KRT80: variants seen among roughly 807,000 people sequenced by gnomAD.
KRT80 encodes keratin, type II cytoskeletal 80.
Under a neutral mutation model 51.5 loss-of-function variants are expected in KRT80, and 36 were observed. The observed-to-expected ratio is 0.70, with a 90% CI of 0.54 to 0.92. KRT80 has a LOEUF of 0.92. Among genes scored for constraint, KRT80 ranks in the 40% least tolerant of loss-of-function variants. The pLI, the probability that KRT80 is intolerant of heterozygous loss-of-function variation, is 0.00. For synonymous variants in KRT80, 235 were observed against 248.3 expected (o/e 0.95, Z 0.50); for missense variants, 566 against 591.7 (o/e 0.96, Z 0.45).
chr12:52,182,037 C>T (rs1328803476), intron 2 of KRT80, among the ~76,000 whole-genome samples: 1 of 152,218 alleles, frequency 6.6e-6, no homozygotes, highest in African/African-American at 2.4e-5. Flanking sequence ...TCCCACCAGC[C>T]CACCTGAGGA....
rs184853065 is a variant in KRT80 at position 52,174,412 on chromosome 12, C to T, written c.667-648G>A. 4.5e-3 allele frequency among the ~76,000 whole-genome samples: 688 copies of T among 152,374 alleles called. 9 individuals are homozygous for T. Among genetic ancestry groups the T allele is most frequent in the African/African-American group, 0.016 (652 of 41,584 alleles). On this transcript the variant is annotated intron_variant, in intron 4 of 8. Transcript: ENST00000394815. ...CTGTGAGGAGCCTGGGCGCAGCCTC[C>T]AGCACTCTGACTTCAGGGTCCCCCT...
Position 52,180,449 on chromosome 12 carries a change from G to A in KRT80, c.666+64C>T, listed in dbSNP as rs140553031. 2.2e-4 allele frequency: 255 copies of A among 1,142,640 alleles called. No homozygotes were observed. The African/African-American group carries it at 3.6e-3, about 16-fold the overall frequency. The allele number at this position is 1,142,640 out of a possible 1,614,324, so 70.8% of individuals were successfully genotyped here. ...CCCACTGGATGGCTGTGCTTCCCCT[G>A]TGTCCTTTACCCATGGACCAGCCAG... is the stretch of plus-strand genomic sequence containing the variant. On this transcript the variant is annotated intron_variant, in intron 4 of 8. Transcript: ENST00000394815.
chr12:52,178,627 ATT>A (rs2120897432), intron 4 of KRT80, among the ~76,000 whole-genome samples: 1 of 152,290 alleles, frequency 6.6e-6, no homozygotes, highest in East Asian at 1.9e-4. Flanking sequence ...TTGTCCAGAT[ATT>A]TGCTGACTTG....
intron 4 of KRT80, among the ~76,000 whole-genome samples, chr12:52,177,789 G>T (rs922203218): frequency 2.6e-5 from 4 of 152,086 alleles, no homozygotes; most frequent in Admixed American, 2.6e-4. Context: ...GAGTATCAGG[G>T]CCTCCTGGGC....
intron 1 of KRT80, among the ~76,000 whole-genome samples, chr12:52,186,420 G>T (rs1310056620): frequency 1.3e-5 from 2 of 152,160 alleles, no homozygotes; most frequent in African/African-American, 4.8e-5. Context: ...ACAACAGCAG[G>T]TGCTCATGTG....
chr12:52,172,532 G>T, intron 6 of KRT80, 114 bp from the exon 7 acceptor site: 1 of 909,398 alleles, frequency 1.1e-6, no homozygotes, highest in Non-Finnish European at 1.7e-6. Context: ...GGAGGGCTGA[G>T]CAATGGCATT....
Position 52,173,050 on chromosome 12 carries a change from A to T in KRT80, c.945T>A (p.Ser315=), listed in dbSNP as rs779158550. The change falls in exon 6 of 9, where the codon TCT becomes TCA. Residue 315 remains serine (S), a synonymous_variant. Transcript: ENST00000394815. ...RIQKLRSQIL[S]VKSHCLKLEE... is the part of the protein sequence containing the mutation. ...CCCAGATACTCACATGGCTCTTGAC[A>T]GAGAGGATCTGGGACCGCAGCTTCT... 3 of 1,611,144 alleles carry T rather than the reference A, an allele frequency of 1.9e-6. No homozygotes were observed. In the South Asian group the frequency reaches 3.3e-5, roughly 18 times the overall value.
intron 2 of KRT80, 73 bp from the exon 3 acceptor site, chr12:52,181,036 G>T (rs1335710939): frequency 1.4e-5 from 17 of 1,227,970 alleles, no homozygotes; most frequent in Non-Finnish European, 1.9e-5. Context: ...CTTGGTTGGG[G>T]CTCAGGGCCT....
At chr12:52,173,230 CT>C in intron 5 of KRT80, 67 bp from the exon 6 acceptor site, 1 of 1,469,234 alleles carries the variant, frequency 6.8e-7, no homozygotes, top group Non-Finnish European at 9.0e-7. Context: ...TTACCCGCCT[CT>C]GCTTTTTCTT....
In KRT80 at chr12:52,171,709, C is replaced by A. The variant is rs764644847; in HGVS notation, c.1183G>T (p.Asp395Tyr). Residue 395 changes from aspartate (D) to tyrosine (Y), a missense_variant, in exon 8 of 9, where the codon GAC (aspartate) becomes TAC (tyrosine). Transcript: ENST00000394815. ...KLVEGEEGRM[D>Y]SPSATVVSAV... ...CTGACCACAGTGGCTGAGGGCGAGT[C>A]CATCCTGGGGGTGGGGGACGGGGGG... is the stretch of plus-strand genomic sequence containing the variant. The A allele has an allele frequency of 2.6e-6, 4 of 1,512,856 alleles. No homozygotes were observed. Among genetic ancestry groups the A allele is most frequent in the Non-Finnish European group, 3.6e-6 (4 of 1,111,950 alleles). 93.7% of individuals were successfully genotyped at this position (1,512,856 alleles called of 1,614,324 possible).
intron 4 of KRT80, 60 bp from the exon 5 acceptor site, chr12:52,173,824 C>T (rs1941167056): frequency 3.3e-6 from 5 of 1,531,384 alleles, no homozygotes; most frequent in Admixed American, 1.7e-5. Flanking sequence ...GACCCTCAGC[C>T]CCACACAGTC....
Position 52,172,195 on chromosome 12 carries a change from C to T in KRT80, c.1178+3G>A, listed in dbSNP as rs1204052039. ...GCCCTTCCTCACCAGCCCTGGCTCT[C>T]ACCTGCCCTCCTCGCCCTCCACCAG... is the stretch of plus-strand genomic sequence containing the variant. On this transcript the variant is annotated splice_donor_region_variant and intron_variant, in intron 7 of 8. Transcript: ENST00000394815. 6.2e-7 allele frequency: 1 copy of T among 1,613,270 alleles called. No homozygotes were observed. Among genetic ancestry groups the T allele is most frequent in the African/African-American group, 1.3e-5 (1 of 75,046 alleles).
rs1941481810 is a variant in KRT80, at chr12:52,191,623, A to G, written c.280T>C (p.Phe94Leu). The G allele has an allele frequency of 6.3e-7, 1 of 1,593,118 alleles. No individual in the cohort carries two copies. Among genetic ancestry groups the G allele is most frequent in the African/African-American group, 1.3e-5 (1 of 74,262 alleles). The change falls in exon 1 of 9, where the codon TTT becomes CTT. Residue 94 changes from phenylalanine (F) to leucine (L), a missense_variant. Transcript: ENST00000394815. ...KEEMKALNDK[F>L]ASLIGKVQAL... The stretch of plus-strand genomic sequence containing the variant: ...CTCACCTTGCCAATTAGGGAGGCAA[A>G]TTTATCATTGAGGGCCTTCATCTCC...
rs1941051686 is a variant in KRT80 at position 52,169,714 on chromosome 12, A to G, written c.*1684T>C. 6.6e-6 allele frequency: 1 copy of G among 152,362 alleles called. No individual in the cohort carries two copies. The highest frequency in any genetic ancestry group is 6.5e-5 in the Admixed American group (1 of 15,282). 9.4% of individuals were successfully genotyped at this position (152,362 alleles called of 1,614,324 possible). On this transcript the variant is annotated 3_prime_UTR_variant, in exon 9 of 9. Transcript: ENST00000394815. ...GCCACATAAGTTATGAAAAAATAATATATACTTTATATGTCTTGTATCCCC... is the reference window on the plus strand; with the variant it reads ...GCCACATAAGTTATGAAAAAATAATGTATACTTTATATGTCTTGTATCCCC...
Position 52,172,979 on chromosome 12 carries a change from A to C in KRT80, c.957+59T>G, listed in dbSNP as rs930499481. 2.6e-6 allele frequency: 4 copies of C among 1,564,024 alleles called. No individual in the cohort carries two copies. The African/African-American group carries it at 5.4e-5, about 21-fold the overall frequency. ...CATGTCTTGCCTGTATTCAGCACAC[A>C]TGACTGTGTGTCTCCCTGCTCTCCT... On this transcript the variant is annotated intron_variant, in intron 6 of 8. Coordinates refer to ENST00000394815, the MANE Select transcript of KRT80 (RefSeq NM_182507.3).
At chr12:52,191,134 C>A (rs1049361205) in intron 1 of KRT80, among the ~76,000 whole-genome samples, 1 of 152,156 alleles carries the variant, frequency 6.6e-6, no homozygotes, top group Non-Finnish European at 1.5e-5. Context: ...ACCCTGCTGG[C>A]TTTTCTGACT....
rs1941049088 is a variant in KRT80, at chr12:52,169,518, A to G, written c.*1880T>C. On this transcript the variant is annotated 3_prime_UTR_variant, in exon 9 of 9. Coordinates refer to ENST00000394815, the MANE Select transcript of KRT80 (RefSeq NM_182507.3). ...TGAGAGGGGAGATAAAAACAGACACACAGCTTTCTCCATAGACAAATCTCA... is the reference window on the plus strand; with the variant it reads ...TGAGAGGGGAGATAAAAACAGACACGCAGCTTTCTCCATAGACAAATCTCA... 2 of 152,766 alleles carry G rather than the reference A, an allele frequency of 1.3e-5. No individual in the cohort carries two copies. Among genetic ancestry groups the G allele is most frequent in the South Asian group, 4.1e-4 (2 of 4,834 alleles). 9.5% of individuals were successfully genotyped at this position (152,766 alleles called of 1,614,324 possible).
chr12:52,171,563 G>A, intron 8 of KRT80, 41 bp from the exon 9 acceptor site: 1 of 1,613,732 alleles, frequency 6.2e-7, no homozygotes, highest in Non-Finnish European at 8.5e-7. Flanking sequence ...AGGGGCTGGA[G>A]GTTTGGGAGC....
rs747478529 is a variant in KRT80 at position 52,191,620 on chromosome 12, C to G, written c.283G>C (p.Ala95Pro). The G allele has an allele frequency of 6.3e-7, 1 of 1,591,828 alleles. No homozygotes were observed. Among genetic ancestry groups the G allele is most frequent in the Admixed American group, 1.7e-5 (1 of 58,290 alleles). ...EEMKALNDKF[A>P]SLIGKVQALE... Reference sequence around the variant, plus strand: ...GTGCTCACCTTGCCAATTAGGGAGGCAAATTTATCATTGAGGGCCTTCATC... The same window carrying G: ...GTGCTCACCTTGCCAATTAGGGAGGGAAATTTATCATTGAGGGCCTTCATC... The change falls in exon 1 of 9, where the codon GCC becomes CCC. Residue 95 changes from alanine to proline, a missense_variant. Physicochemically the swap from Ala to Pro is conservative, Grantham distance 27. Coordinates refer to ENST00000394815, the MANE Select transcript of KRT80 (RefSeq NM_182507.3).
Sources: gnomAD v4.1 joint callset for allele counts (sites outside exome capture counted in the v4.1 genomes callset) on GRCh38, gnomAD v4.1.1 for gene constraint, MANE v1.5 for transcripts, NCBI Gene and HGNC (gene_info 2026-07-23, HGNC 2026-07-21) for gene names.